Variants in KIF5C observed in about 807,000 individuals in gnomAD.
KIF5C encodes kinesin family member 5C, also known as kinesin heavy chain isoform 5C.
A neutral mutation model predicts 125.2 loss-of-function variants in KIF5C; 18 were observed. The observed-to-expected ratio is 0.14, with a 90% confidence interval of 0.10 to 0.21. KIF5C has a LOEUF of 0.21. Among genes scored for constraint, KIF5C ranks in the 10% least tolerant of loss-of-function variants. The pLI is 1.00. For missense variants in KIF5C, 780 were observed against 1,183.8 expected, an observed-to-expected ratio of 0.66 and a Z score of 5.01; for synonymous variants, 405 against 434.0, an observed-to-expected ratio of 0.93 and a Z score of 0.83.
At chr2:149,009,576 G>A (rs1682120357) in intron 23 of KIF5C, among the ~76,000 whole-genome samples, 1 of 152,064 alleles carries the variant, frequency 6.6e-6, no homozygotes, top group Non-Finnish European at 1.5e-5. Flanking sequence ...TCCTACCTAG[G>A]GCTGGGCTGT....
intron 12 of KIF5C, among the ~76,000 whole-genome samples, chr2:148,977,051 T>C (rs939840753): frequency 2.6e-5 from 4 of 152,242 alleles, no homozygotes; most frequent in African/African-American, 9.6e-5. Context: ...CTTATTATTC[T>C]GGAGGTTTTG....
intron 25 of KIF5C, among the ~76,000 whole-genome samples, chr2:149,014,648 G>C (rs1237353633): frequency 6.6e-6 from 1 of 152,194 alleles, no homozygotes; most frequent in Non-Finnish European, 1.5e-5. Flanking sequence ...TTGACAGAAG[G>C]CTTAAATGAG....
chr2:148,951,055 G>T (rs1473207154), intron 10 of KIF5C, among the ~76,000 whole-genome samples: 2 of 152,164 alleles, frequency 1.3e-5, no homozygotes, highest in African/African-American at 2.4e-5. Flanking sequence ...ATGCATTGGG[G>T]TGTTACTTTT....
chr2:149,001,973 G>C (rs1327253710), intron 21 of KIF5C, among the ~76,000 whole-genome samples: 1 of 152,210 alleles, frequency 6.6e-6, no homozygotes, highest in East Asian at 1.9e-4. Flanking sequence ...CCAGGGAGAG[G>C]AAATGAGGGC....
At chr2:148,968,443 A>G (rs1253112679) in intron 11 of KIF5C, among the ~76,000 whole-genome samples, 1 of 152,230 alleles carries the variant, frequency 6.6e-6, no homozygotes, top group African/African-American at 2.4e-5. Flanking sequence ...AAATCTTCGA[A>G]GATGCTGGCT....
chr2:149,004,436 T>C (rs1371867074), intron 21 of KIF5C, among the ~76,000 whole-genome samples: 2 of 152,194 alleles, frequency 1.3e-5, no homozygotes, highest in Non-Finnish European at 2.9e-5. Flanking sequence ...GGTAAATACA[T>C]GGAGACTTGA....
intron 1 of KIF5C, among the ~76,000 whole-genome samples, chr2:148,915,165 A>G (rs1362263174): frequency 1.3e-5 from 2 of 152,200 alleles, no homozygotes; most frequent in Non-Finnish European, 2.9e-5. Context: ...GGGAGTAAGA[A>G]TGGTGGGAAA....
At chr2:149,003,511 G>T (rs182898384) in intron 21 of KIF5C, among the ~76,000 whole-genome samples, 2 of 152,362 alleles carry the variant, frequency 1.3e-5, no homozygotes, top group Non-Finnish European at 2.9e-5. Flanking sequence ...CACCCTTGCT[G>T]TCCACTGTGA....
chr2:149,010,844 C>G (rs1452104876), intron 24 of KIF5C, among the ~76,000 whole-genome samples: 1 of 152,230 alleles, frequency 6.6e-6, no homozygotes, highest in Admixed American at 6.5e-5. Context: ...CAGGCTGGCA[C>G]AGAACCTGGG....
At chr2:148,941,884 G>A (rs1336461255) in intron 5 of KIF5C, 51 bp from the exon 6 acceptor site, 2 of 1,593,400 alleles carry the variant, frequency 1.3e-6, no homozygotes, top group Admixed American at 1.8e-5. Flanking sequence ...CCAATATAGA[G>A]TCTTTAACTT....
chr2:148,966,987 TA>T (rs1381022906), intron 11 of KIF5C, among the ~76,000 whole-genome samples: 1 of 152,212 alleles, frequency 6.6e-6, no homozygotes, highest in Non-Finnish European at 1.5e-5. Flanking sequence ...GGTACTTTCT[TA>T]TAGCAGCTCC....
chr2:148,989,337 TAC>T (rs59582798), intron 15 of KIF5C, among the ~76,000 whole-genome samples: 4,288 of 147,690 alleles, frequency 0.029, 178 homozygotes, highest in African/African-American at 0.089. Flanking sequence ...TCCATGATTT[TAC>T]ACACACACAC....
chr2:148,973,053 T>A (rs958694503), intron 11 of KIF5C, among the ~76,000 whole-genome samples: 1 of 152,226 alleles, frequency 6.6e-6, no homozygotes, highest in African/African-American at 2.4e-5. Flanking sequence ...TGTAAAGAAT[T>A]TAGGCATCTC....
chr2:148,991,251 C>T, intron 16 of KIF5C, 53 bp downstream of exon 16: 1 of 1,567,200 alleles, frequency 6.4e-7, no homozygotes, highest in Non-Finnish European at 8.7e-7. Flanking sequence ...AGATCTGCTC[C>T]CTCCATGCCC....
In KIF5C at chr2:148,875,576, C is replaced by CCCCCCCCCCCACCCCCTG; in HGVS notation, c.-37_-36insCCCCCACCCCCTGCCCCC. The stretch of plus-strand genomic sequence containing the variant: ...CCTCCCTCGTCGTTCCCGGCCCCGG[C>CCCCCCCCCCCACCCCCTG]CCCCCACCCATCCCCGTGCCCCCTC... On this transcript the variant is annotated 5_prime_UTR_variant, in exon 1 of 26. Coordinates refer to ENST00000435030, the MANE Select transcript of KIF5C (RefSeq NM_004522.3). 1.1e-5 allele frequency: 6 copies of CCCCCCCCCCCACCCCCTG among 549,542 alleles called. No homozygotes were observed. The highest frequency in any genetic ancestry group is 1.4e-5 in the Non-Finnish European group (4 of 291,384). The allele number at this position is 549,542 out of a possible 1,614,324, so 34.0% of individuals were successfully genotyped here.
At chr2:148,886,623 G>T (rs1681535860) in intron 1 of KIF5C, among the ~76,000 whole-genome samples, 1 of 152,084 alleles carries the variant, frequency 6.6e-6, no homozygotes. Flanking sequence ...TTCTGGCACT[G>T]GGTCCCTGGT....
chr2:148,898,847 G>A (rs764710608), intron 1 of KIF5C, among the ~76,000 whole-genome samples: 5 of 152,146 alleles, frequency 3.3e-5, no homozygotes, highest in African/African-American at 7.2e-5. Flanking sequence ...GAAAGGAAAC[G>A]TCACCCTACT....
intron 19 of KIF5C, chr2:148,998,782 A>G: frequency 3.6e-6 from 1 of 280,584 alleles, no homozygotes. Context: ...ATTCCGCTGG[A>G]TGGACGCATG....
intron 25 of KIF5C, among the ~76,000 whole-genome samples, chr2:149,019,345 A>C (rs1682461047): frequency 6.6e-6 from 1 of 152,218 alleles, no homozygotes; most frequent in African/African-American, 2.4e-5. Flanking sequence ...GCCCCCGTGC[A>C]TGTTAGCTAA....
Sources: allele counts gnomAD v4.1 joint callset (sites outside exome capture counted in the v4.1 genomes callset), GRCh38; gene constraint gnomAD v4.1.1; transcripts MANE v1.5; gene names NCBI Gene and HGNC (gene_info 2026-07-23, HGNC 2026-07-21).